SNTG2: variants seen among roughly 807,000 people sequenced by gnomAD.
SNTG2 encodes the protein gamma-2-syntrophin.
In SNTG2, 74 loss-of-function variants were observed where a neutral mutation model predicts 70.9. The ratio of observed to expected loss-of-function variants is 1.04; its 90% confidence interval spans 0.86 to 1.27. The LOEUF (loss-of-function observed/expected upper bound fraction) is 1.27, where lower values mean the gene tolerates loss of function less well. Ranked by LOEUF, SNTG2 falls within the 50% of genes most tolerant of loss-of-function variation. SNTG2 has a pLI of 0.00. For missense variants in SNTG2, 717 were observed against 690.7 expected (o/e 1.04, Z -0.43); for synonymous variants, 278 against 273.8 (o/e 1.02, Z -0.15).
intron 16 of SNTG2, among the ~76,000 whole-genome samples, chr2:1,335,848 G>A (rs752021740): frequency 6.6e-6 from 1 of 152,184 alleles, no homozygotes; most frequent in Non-Finnish European, 1.5e-5. Context: ...AGATAGAAAT[G>A]CAGCCTTCAA....
chr2:1,109,382 A>G (rs1275339088), intron 4 of SNTG2, among the ~76,000 whole-genome samples: 1 of 152,152 alleles, frequency 6.6e-6, no homozygotes, highest in Non-Finnish European at 1.5e-5. Context: ...TGAAAACCAC[A>G]TGCTGAAAAA....
At chr2:982,406 G>A (rs1319402647) in intron 1 of SNTG2, among the ~76,000 whole-genome samples, 1 of 152,132 alleles carries the variant, frequency 6.6e-6, no homozygotes, top group East Asian at 1.9e-4. Flanking sequence ...CTCGGTACAC[G>A]GAGGACACGG....
At chr2:1,304,306 A>G (rs183207202) in intron 14 of SNTG2, among the ~76,000 whole-genome samples, 6 of 152,172 alleles carry the variant, frequency 3.9e-5, no homozygotes, top group Admixed American at 3.3e-4. Flanking sequence ...CTATTGGGAG[A>G]GCATTTTCCT....
intron 1 of SNTG2, among the ~76,000 whole-genome samples, chr2:1,036,149 ACTC>A (rs1186669015): frequency 6.6e-6 from 1 of 151,700 alleles, no homozygotes; most frequent in Non-Finnish European, 1.5e-5. Context: ...TGCTGACAGA[ACTC>A]CTCATATATT....
chr2:1,030,317 CTG>C (rs1660744827), intron 1 of SNTG2, among the ~76,000 whole-genome samples: 1 of 152,140 alleles, frequency 6.6e-6, no homozygotes, highest in Non-Finnish European at 1.5e-5. Context: ...TCAGAGGAAA[CTG>C]TGGGAGCCAC....
intron 1 of SNTG2, among the ~76,000 whole-genome samples, chr2:989,993 T>C (rs1320293539): frequency 6.6e-6 from 1 of 152,262 alleles, no homozygotes; most frequent in Non-Finnish European, 1.5e-5. Context: ...CTCCGCTCTG[T>C]GTCCTGCCCT....
chr2:1,105,820 C>T (rs1666086676), intron 4 of SNTG2, among the ~76,000 whole-genome samples: 1 of 152,180 alleles, frequency 6.6e-6, no homozygotes, highest in Non-Finnish European at 1.5e-5. Context: ...TTGTCTCCTC[C>T]CTGCTCCGAT....
chr2:1,075,180 CAT>C (rs774836045), intron 1 of SNTG2, among the ~76,000 whole-genome samples: 5 of 152,184 alleles, frequency 3.3e-5, no homozygotes, highest in Non-Finnish European at 5.9e-5. Context: ...TAAACAGACA[CAT>C]GTGTGCATGT....
intron 13 of SNTG2, among the ~76,000 whole-genome samples, chr2:1,264,439 A>G (rs1678614234): frequency 6.6e-6 from 1 of 152,214 alleles, no homozygotes; most frequent in Admixed American, 6.5e-5. Context: ...TGTTGAGTCC[A>G]GTAACGTAAA....
At chr2:1,274,606 G>A (rs957173290) in intron 14 of SNTG2, among the ~76,000 whole-genome samples, 5 of 151,960 alleles carry the variant, frequency 3.3e-5, no homozygotes, top group Non-Finnish European at 7.4e-5. Flanking sequence ...CCTGGATTTT[G>A]TTCTAAGAAC....
At chr2:1,329,545 C>T (rs1481354801) in intron 16 of SNTG2, among the ~76,000 whole-genome samples, 1 of 152,200 alleles carries the variant, frequency 6.6e-6, no homozygotes, top group Non-Finnish European at 1.5e-5. Flanking sequence ...GGTCTCACTT[C>T]TCAGCTGCCT....
intron 1 of SNTG2, among the ~76,000 whole-genome samples, chr2:1,028,393 G>T (rs897948604): frequency 6.6e-6 from 1 of 152,242 alleles, no homozygotes; most frequent in Admixed American, 6.5e-5. Context: ...AAATACCTGG[G>T]TATTCACTGA....
intron 9 of SNTG2, among the ~76,000 whole-genome samples, chr2:1,229,948 C>T (rs368033513): frequency 2.6e-5 from 4 of 152,306 alleles, no homozygotes; most frequent in East Asian, 1.9e-4. Flanking sequence ...AAGCGCCGCA[C>T]GCAGCCCCCG....
At chr2:1,169,177 A>G (rs1468363195) in intron 7 of SNTG2, among the ~76,000 whole-genome samples, 3 of 152,120 alleles carry the variant, frequency 2.0e-5, no homozygotes, top group Admixed American at 1.3e-4. Context: ...AGAAACTAAG[A>G]CTTTTCATAG....
chr2:1,316,473 C>A, intron 16 of SNTG2, 98 bp downstream of exon 16: 4 of 599,178 alleles, frequency 6.7e-6, no homozygotes, highest in South Asian at 2.6e-5. Flanking sequence ...CCCATGCACA[C>A]AAAAATAAAC....
intron 1 of SNTG2, among the ~76,000 whole-genome samples, chr2:1,054,291 C>T (rs1236464756): frequency 1.3e-5 from 2 of 151,716 alleles, no homozygotes; most frequent in Admixed American, 1.3e-4. Flanking sequence ...AGAGGCGGCC[C>T]ACACCTGGGC....
chr2:977,704 C>T (rs1660953829), intron 1 of SNTG2, among the ~76,000 whole-genome samples: 2 of 152,156 alleles, frequency 1.3e-5, no homozygotes, highest in Non-Finnish European at 2.9e-5. Flanking sequence ...GGGATCAGAG[C>T]CTCACTGTGC....
At chr2:1,286,508 A>G (rs963552305) in intron 14 of SNTG2, among the ~76,000 whole-genome samples, 2 of 152,200 alleles carry the variant, frequency 1.3e-5, no homozygotes, top group African/African-American at 4.8e-5. Flanking sequence ...TTTTTCAGCC[A>G]TAAAGTGAGT....
intron 1 of SNTG2, among the ~76,000 whole-genome samples, chr2:1,042,730 A>G (rs905154770): frequency 1.3e-5 from 2 of 152,196 alleles, no homozygotes; most frequent in Admixed American, 6.5e-5. Flanking sequence ...ATAGTATTCC[A>G]TGGTGTATAT....
Sources: gnomAD v4.1 joint callset for allele counts (sites outside exome capture counted in the v4.1 genomes callset) on GRCh38, gnomAD v4.1.1 for gene constraint, MANE v1.5 for transcripts, NCBI Gene and HGNC (gene_info 2026-07-23, HGNC 2026-07-21) for gene names.